Variants in PPP1R9A observed in about 807,000 individuals in gnomAD.
PPP1R9A encodes the protein neurabin-1.
In PPP1R9A, 59 loss-of-function variants were observed where a neutral mutation model predicts 141.9. The observed-to-expected ratio is 0.42, with a 90% CI of 0.34 to 0.52. The LOEUF (loss-of-function observed/expected upper bound fraction) is 0.52, where lower values mean the gene tolerates loss of function less well. Ranked by LOEUF, PPP1R9A falls within the 20% of genes least tolerant of loss-of-function variation. The pLI is 0.10. For missense variants in PPP1R9A, 1,444 were observed against 1,611.9 expected (o/e 0.90, Z 1.78); for synonymous variants, 500 against 569.7 (o/e 0.88, Z 1.74).
chr7:95,286,791 G>A (rs1249636176), intron 18 of PPP1R9A, among the ~76,000 whole-genome samples: 1 of 152,090 alleles, frequency 6.6e-6, no homozygotes, highest in African/African-American at 2.4e-5. Flanking sequence ...GTCAAAATTA[G>A]TATTGCTACA....
intron 2 of PPP1R9A, among the ~76,000 whole-genome samples, chr7:94,969,630 C>A (rs558130637): frequency 1.3e-5 from 2 of 152,094 alleles, no homozygotes; most frequent in Admixed American, 6.6e-5. Context: ...GGGTCAGCAA[C>A]GCACTTGAGG....
chr7:95,094,879 C>CAAAAAAAAAA lies in PPP1R9A; in HGVS notation c.1396-16363_1396-16354dup, dbSNP rs1166550834. On this transcript the variant is annotated intron_variant, in intron 2 of 19. Coordinates refer to ENST00000433360, the MANE Select transcript of PPP1R9A (RefSeq NM_001166160.2). ...TGGGCGACAGAGGGAGACTGCGTCT[C>CAAAAAAAAAA]AAAAAAAAAAAAAAAAAAAAAAAAA... Among the ~76,000 whole-genome samples the CAAAAAAAAAA allele has an allele frequency of 8.8e-3, 396 of 44,956 alleles. 26 individuals are homozygous for CAAAAAAAAAA. The highest frequency in any genetic ancestry group is 0.01 in the Non-Finnish European group (241 of 23,594). 29.5% of individuals were successfully genotyped at this position (44,956 alleles called of 152,430 possible). A position where few individuals can be genotyped will look rare whatever the true frequency, so the allele number is the denominator to read the frequency against.
At chr7:94,959,090 C>G (rs1014511110) in intron 2 of PPP1R9A, among the ~76,000 whole-genome samples, 28 of 151,866 alleles carry the variant, frequency 1.8e-4, no homozygotes, top group Admixed American at 6.6e-5. Flanking sequence ...TGAAAAAGCA[C>G]AAAATGTTGC....
At chr7:95,053,791 A>G (rs1811122564) in intron 2 of PPP1R9A, among the ~76,000 whole-genome samples, 3 of 152,154 alleles carry the variant, frequency 2.0e-5, no homozygotes, top group Admixed American at 2.0e-4. Context: ...GACCTCACCA[A>G]ACTTTGGTCT....
intron 2 of PPP1R9A, among the ~76,000 whole-genome samples, chr7:95,053,129 C>T (rs931941399): frequency 5.3e-5 from 8 of 152,192 alleles, no homozygotes; most frequent in Non-Finnish European, 1.0e-4. Context: ...CCTCCATCCT[C>T]ACTCAGGGGA....
chr7:95,218,893 G>A (rs1793950614), intron 7 of PPP1R9A, among the ~76,000 whole-genome samples: 1 of 152,152 alleles, frequency 6.6e-6, no homozygotes, highest in East Asian at 1.9e-4. Flanking sequence ...CCTGAATACA[G>A]CACACTGATG....
At chr7:95,275,834 G>A (rs1257545041) in intron 16 of PPP1R9A, among the ~76,000 whole-genome samples, 1 of 152,188 alleles carries the variant, frequency 6.6e-6, no homozygotes, top group Admixed American at 6.5e-5. Flanking sequence ...GGCGGGAGAT[G>A]AGGAGAGAGA....
Position 95,082,818 on chromosome 7 carries a change from C to T in PPP1R9A, c.1396-28441C>T, listed in dbSNP as rs181657305. Among the ~76,000 whole-genome samples the T allele has an allele frequency of 4.1e-3, 561 of 138,018 alleles. 9 individuals are homozygous for T. The highest frequency in any genetic ancestry group is 0.014 in the African/African-American group (508 of 35,202). 90.5% of individuals were successfully genotyped at this position (138,018 alleles called of 152,430 possible). A position where few individuals can be genotyped will look rare whatever the true frequency, so the allele number is the denominator to read the frequency against. ...ACGGAGTCTTGCTCTGTTGCCCAGG[C>T]GAACTCGGCTCACTGCAAGCTCCAC... is the stretch of plus-strand genomic sequence containing the variant. On this transcript the variant is annotated intron_variant, in intron 2 of 19. Transcript: ENST00000433360.
chr7:95,280,837 G>A (rs1804071587), intron 16 of PPP1R9A, among the ~76,000 whole-genome samples: 1 of 152,144 alleles, frequency 6.6e-6, no homozygotes. Context: ...AGGAGAAGAA[G>A]AAAGGGAGGG....
At chr7:94,977,121 G>A (rs960868547) in intron 2 of PPP1R9A, among the ~76,000 whole-genome samples, 1 of 152,140 alleles carries the variant, frequency 6.6e-6, no homozygotes, top group African/African-American at 2.4e-5. Context: ...GGGAGTAAGA[G>A]GGGATCAAGG....
intron 2 of PPP1R9A, among the ~76,000 whole-genome samples, chr7:95,027,591 C>T (rs576012904): frequency 6.6e-6 from 1 of 152,148 alleles, no homozygotes; most frequent in Admixed American, 6.6e-5. Flanking sequence ...CACTTAGCGA[C>T]GGGGATACGT....
intron 5 of PPP1R9A, among the ~76,000 whole-genome samples, chr7:95,182,557 G>C (rs1834016248): frequency 1.3e-5 from 2 of 151,988 alleles, no homozygotes; most frequent in South Asian, 4.2e-4. Flanking sequence ...TAGTACAAGG[G>C]GCAATTGAGA....
intron 2 of PPP1R9A, among the ~76,000 whole-genome samples, chr7:95,038,076 C>G (rs1322821139): frequency 1.3e-5 from 2 of 151,530 alleles, no homozygotes; most frequent in African/African-American, 4.9e-5. Flanking sequence ...TGTGTCATTG[C>G]ACTCCAGCCT....
chr7:95,202,497 C>A, intron 6 of PPP1R9A: 1 of 452,256 alleles, frequency 2.2e-6, no homozygotes, highest in Non-Finnish European at 2.9e-6. Flanking sequence ...GATTTAATTT[C>A]TGTTTAATCG....
chr7:95,290,840 C>G lies in PPP1R9A; in HGVS notation c.*537C>G, dbSNP rs952903115. ...CTCAGTCTGGACAGTGAGACCACCC[C>G]GCTGTGGAAACATGGGTGCTCTGCT... On this transcript the variant is annotated 3_prime_UTR_variant, in exon 20 of 20. Transcript: ENST00000433360. The G allele has an allele frequency of 6.5e-6, 1 of 154,740 alleles. No individual in the cohort carries two copies. Among genetic ancestry groups the G allele is most frequent in the African/African-American group, 2.4e-5 (1 of 41,416 alleles). 9.6% of individuals were successfully genotyped at this position (154,740 alleles called of 1,614,324 possible).
At chr7:95,241,628 T>C (rs1192118609) in intron 8 of PPP1R9A, among the ~76,000 whole-genome samples, 5 of 152,214 alleles carry the variant, frequency 3.3e-5, no homozygotes, top group Non-Finnish European at 5.9e-5. Flanking sequence ...GTCCAATTTC[T>C]CCCTTGCCAT....
chr7:95,227,717 T>A (rs967691792), intron 8 of PPP1R9A, among the ~76,000 whole-genome samples: 8 of 152,102 alleles, frequency 5.3e-5, no homozygotes, highest in Non-Finnish European at 1.2e-4. Flanking sequence ...TGTAGACTGC[T>A]GTGTGATCTC....
rs559517917 is a variant in PPP1R9A, at chr7:95,242,105, A to G, written c.2113-5368A>G. Among the ~76,000 whole-genome samples, 6 of 152,324 alleles carry G rather than the reference A, an allele frequency of 3.9e-5. No individual in the cohort carries two copies. The East Asian group carries it at 1.2e-3, about 29-fold the overall frequency. The stretch of plus-strand genomic sequence containing the variant: ...TAAAACACTTTCGTTAATACTGGAT[A>G]GATACCATATGTAAACTTTTCAGCA... On this transcript the variant is annotated intron_variant, in intron 8 of 19. Transcript: ENST00000433360.
intron 12 of PPP1R9A, among the ~76,000 whole-genome samples, chr7:95,259,326 T>C (rs2153027024): frequency 6.6e-6 from 1 of 151,972 alleles, no homozygotes; most frequent in Non-Finnish European, 1.5e-5. Flanking sequence ...ACATATATGG[T>C]ATACATTTTT....
Sources: allele counts gnomAD v4.1 joint callset (sites outside exome capture counted in the v4.1 genomes callset), GRCh38; gene constraint gnomAD v4.1.1; transcripts MANE v1.5; gene names NCBI Gene and HGNC (gene_info 2026-07-23, HGNC 2026-07-21).